Variants in TMEM26 observed in about 807,000 individuals in gnomAD.
The protein encoded by TMEM26 is transmembrane protein 26.
TMEM26 carries 38 observed loss-of-function variants against 28.8 expected under a neutral mutation model. The observed-to-expected ratio is 1.32, with a 90% confidence interval of 1.02 to 1.73. The LOEUF (loss-of-function observed/expected upper bound fraction) is 1.73. Among genes scored for constraint, TMEM26 ranks in the 40% most tolerant of loss-of-function variants. The pLI is 0.00. For synonymous variants in TMEM26, 227 were observed against 182.9 expected, an observed-to-expected ratio of 1.24 and a Z score of -1.95; for missense variants, 518 against 447.1, an observed-to-expected ratio of 1.16 and a Z score of -1.43.
chr10:61,410,954 T>G (rs1197537761), intron 5 of TMEM26, among the ~76,000 whole-genome samples: 1 of 152,176 alleles, frequency 6.6e-6, no homozygotes. Flanking sequence ...CGCATCCACA[T>G]AGAAAATGTA....
Position 61,451,304 on chromosome 10 carries a change from C to A in TMEM26, c.191+1587G>T, listed in dbSNP as rs200550920. Among the ~76,000 whole-genome samples the A allele has an allele frequency of 1.1e-4, 17 of 152,238 alleles. No homozygotes were observed. In the East Asian group the frequency reaches 1.9e-3, roughly 17 times the overall value. On this transcript the variant is annotated intron_variant, in intron 1 of 5. Coordinates refer to ENST00000399298, the MANE Select transcript of TMEM26 (RefSeq NM_178505.8). The stretch of plus-strand genomic sequence containing the variant: ...CACAACAGGAATGTTTGACTTAATG[C>A]GAGTTAAGGCCTCTGGTCTACTCTT...
At chr10:61,448,356 A>G (rs550162227) in intron 1 of TMEM26, among the ~76,000 whole-genome samples, 2 of 152,202 alleles carry the variant, frequency 1.3e-5, no homozygotes, top group Non-Finnish European at 2.9e-5. Flanking sequence ...TTCTCTCTCA[A>G]CTGACAACTA....
In TMEM26 at chr10:61,453,070, C is replaced by T; in HGVS notation, c.12G>A (p.Leu4=). The T allele has an allele frequency of 6.2e-7, 1 of 1,613,076 alleles. No individual in the cohort carries two copies. The highest frequency in any genetic ancestry group is 1.1e-5 in the South Asian group (1 of 91,072). ...GAGTGGCCAGGGCGTTAAGGAAGACCAGTCCCTCCATGCTGGCCGGAGCAC... is the reference window on the plus strand; with the variant it reads ...GAGTGGCCAGGGCGTTAAGGAAGACTAGTCCCTCCATGCTGGCCGGAGCAC... MEG[L]VFLNALATRL... is the part of the protein sequence containing the mutation. Residue 4 remains leucine, a synonymous_variant, in exon 1 of 6, where the codon CTG becomes CTA. Coordinates refer to ENST00000399298, the MANE Select transcript of TMEM26 (RefSeq NM_178505.8).
At chr10:61,443,412 C>T (rs908857101) in intron 1 of TMEM26, among the ~76,000 whole-genome samples, 4 of 150,726 alleles carry the variant, frequency 2.7e-5, no homozygotes, top group Admixed American at 6.6e-5. Flanking sequence ...TAGCAGTGAG[C>T]GGAGATTGGG....
intron 4 of TMEM26, 110 bp downstream of exon 4, chr10:61,428,815 TA>T: frequency 1.1e-6 from 1 of 909,420 alleles, no homozygotes; most frequent in Non-Finnish European, 1.7e-6. Flanking sequence ...ACGTTGCATA[TA>T]AAATATACTA....
chr10:61,438,945 A>G (rs963675010), intron 1 of TMEM26, among the ~76,000 whole-genome samples: 2 of 152,204 alleles, frequency 1.3e-5, no homozygotes, highest in Non-Finnish European at 2.9e-5. Context: ...GGGGTAAGGA[A>G]AAAGGAATCA....
At chr10:61,445,838 G>T (rs139324338) in intron 1 of TMEM26, among the ~76,000 whole-genome samples, 2 of 152,014 alleles carry the variant, frequency 1.3e-5, no homozygotes, top group African/African-American at 4.8e-5. Flanking sequence ...TTTTTCCACC[G>T]TTGGAAAAAA....
chr10:61,415,090 G>A, intron 4 of TMEM26: 2 of 985,274 alleles, frequency 2.0e-6, no homozygotes, highest in Non-Finnish European at 2.4e-6. Context: ...ATATGGCATA[G>A]AACGTGGATA....
At chr10:61,413,140 T>C (rs749139358) in intron 5 of TMEM26, 10 of 496,872 alleles carry the variant, frequency 2.0e-5, no homozygotes, top group East Asian at 5.7e-5. Context: ...CCCTATTTCA[T>C]GGGTGAAAGA....
chr10:61,414,056 C>A, intron 4 of TMEM26: 1 of 986,278 alleles, frequency 1.0e-6, no homozygotes, highest in South Asian at 4.7e-5. Context: ...AAGATTTATA[C>A]CAGATAGTAG....
At position 61,410,287 on chromosome 10, in the gene TMEM26, T is replaced by A; in HGVS notation, c.*35A>T. Reference sequence around the variant, plus strand: ...CCTCCCTGTAAGAAGAACCAGGGAGTCAGGTTCTAGCCGCAGACCACTGTC... The same window carrying A: ...CCTCCCTGTAAGAAGAACCAGGGAGACAGGTTCTAGCCGCAGACCACTGTC... On this transcript the variant is annotated 3_prime_UTR_variant, in exon 6 of 6. Coordinates refer to ENST00000399298, the MANE Select transcript of TMEM26 (RefSeq NM_178505.8). 4.5e-6 allele frequency: 7 copies of A among 1,559,002 alleles called. No homozygotes were observed. The highest frequency in any genetic ancestry group is 6.1e-6 in the Non-Finnish European group (7 of 1,151,114).
chr10:61,448,363 A>C (rs543890467), intron 1 of TMEM26, among the ~76,000 whole-genome samples: 5 of 152,352 alleles, frequency 3.3e-5, no homozygotes, highest in African/African-American at 1.2e-4. Context: ...TCAACTGACA[A>C]CTAACTGGTC....
chr10:61,413,485 A>G lies in TMEM26; in HGVS notation c.656T>C (p.Met219Thr), dbSNP rs1268323237. The G allele has an allele frequency of 3.1e-6, 5 of 1,613,200 alleles. No homozygotes were observed. The East Asian group carries it at 6.7e-5, about 22-fold the overall frequency. Residue 219 changes from methionine to threonine, a missense_variant, in exon 5 of 6, where the codon ATG (methionine) becomes ACG (threonine). Physicochemically the swap from Met to Thr is moderately conservative, Grantham distance 81. Coordinates refer to ENST00000399298, the MANE Select transcript of TMEM26 (RefSeq NM_178505.8). ...TGCCAGGTCAAGTGGAAACTGCAGC[A>G]TGCTCCAAGTCCATATAACAAGGAT... The part of the protein sequence containing the change: ...YAILVIWTWS[M>T]LQFPLDLAVQ...
chr10:61,412,025 A>T (rs1356772248), intron 5 of TMEM26, among the ~76,000 whole-genome samples: 1 of 152,176 alleles, frequency 6.6e-6, no homozygotes, highest in Non-Finnish European at 1.5e-5. Flanking sequence ...AATAAACCAC[A>T]AGATATGGGA....
At position 61,408,206 on chromosome 10, in the gene TMEM26, T is replaced by C. The variant is rs1839519491; in HGVS notation, c.*2116A>G. On this transcript the variant is annotated 3_prime_UTR_variant, in exon 6 of 6. Transcript: ENST00000399298. ...CTGGGTCTATTTTTGCCGCTATTAA[T>C]TGCCAAGATGGTCCTGGGTGCTCTT... 1 of 152,190 alleles carries C rather than the reference T, an allele frequency of 6.6e-6. No individual in the cohort carries two copies. Among genetic ancestry groups the C allele is most frequent in the African/African-American group, 2.4e-5 (1 of 41,446 alleles). The allele number at this position is 152,190 out of a possible 1,614,324, so 9.4% of individuals were successfully genotyped here.
chr10:61,429,092 C>G lies in TMEM26; in HGVS notation c.439G>C (p.Gly147Arg). 1 of 1,613,128 alleles carries G rather than the reference C, an allele frequency of 6.2e-7. No homozygotes were observed. The highest frequency in any genetic ancestry group is 8.5e-7 in the Non-Finnish European group (1 of 1,179,404). ...STVCEKVWTL[G>R]LHQTFLLMLI... is the part of the protein sequence containing the mutation. ...ATTAACAGGAATGTCTGATGGAGTC[C>G]CAATGTCCAAACTTTCTCACATACT... The change falls in exon 4 of 6, where the codon GGA (glycine) becomes CGA (arginine). Residue 147 changes from glycine to arginine, a missense_variant. Physicochemically the swap from Gly to Arg is moderately radical, Grantham distance 125 (BLOSUM62 -2). Transcript: ENST00000399298.
intron 4 of TMEM26, among the ~76,000 whole-genome samples, chr10:61,426,381 AC>A (rs1291744464): frequency 6.6e-6 from 1 of 152,150 alleles, no homozygotes; most frequent in Non-Finnish European, 1.5e-5. Flanking sequence ...ATATCATTAA[AC>A]AATAGAATTA....
chr10:61,453,218 G>A lies in TMEM26; in HGVS notation c.-137C>T. 1 of 867,980 alleles carries A rather than the reference G, an allele frequency of 1.2e-6. No individual in the cohort carries two copies. Among genetic ancestry groups the A allele is most frequent in the Non-Finnish European group, 1.7e-6 (1 of 576,406 alleles). The allele number at this position is 867,980 out of a possible 1,614,324, so 53.8% of individuals were successfully genotyped here. Reference sequence around the variant, plus strand: ...TGCTTGTGGTCCCTTCTCACCCTCAGCGCCCGATGCCGGTAGAACTGGTGC... The same window carrying A: ...TGCTTGTGGTCCCTTCTCACCCTCAACGCCCGATGCCGGTAGAACTGGTGC... On this transcript the variant is annotated 5_prime_UTR_variant, in exon 1 of 6. Transcript: ENST00000399298.
Position 61,412,266 on chromosome 10 carries a change from G to T in TMEM26, c.682+1193C>A, listed in dbSNP as rs118129205. Among the ~76,000 whole-genome samples the T allele has an allele frequency of 5.8e-3, 882 of 152,062 alleles. 4 individuals are homozygous for T. The highest frequency in any genetic ancestry group is 0.011 in the Admixed American group (167 of 15,292). On this transcript the variant is annotated intron_variant, in intron 5 of 5. Transcript: ENST00000399298. ...ACAAAATCTGTGTGTGTGTGTGTGT[G>T]TTAGCATACATTTGTTTGTAATTAC...
Sources: gnomAD v4.1 joint callset for allele counts (sites outside exome capture counted in the v4.1 genomes callset) on GRCh38, gnomAD v4.1.1 for gene constraint, MANE v1.5 for transcripts, NCBI Gene and HGNC (gene_info 2026-07-23, HGNC 2026-07-21) for gene names.